The following MFHAS1 variants were observed in gnomAD, a reference collection of about 807,000 sequenced individuals.
MFHAS1 encodes the protein multifunctional ROCO family signaling regulator 1.
Under a neutral mutation model 70.4 loss-of-function variants are expected in MFHAS1, and 50 were observed. The ratio of observed to expected loss-of-function variants is 0.71; its 90% confidence interval spans 0.57 to 0.90. The LOEUF is 0.90. MFHAS1 is among the 40% of genes least tolerant of loss of function. The pLI is 0.00. For missense variants in MFHAS1, 1,795 were observed against 1,347.6 expected (o/e 1.33, Z -5.20); for synonymous variants, 952 against 620.0 (o/e 1.54, Z -7.96).
intron 1 of MFHAS1, among the ~76,000 whole-genome samples, chr8:8,813,691 A>T (rs1383475007): frequency 2.0e-5 from 3 of 152,236 alleles, no homozygotes; most frequent in Admixed American, 6.5e-5. Context: ...TTACTGTAAG[A>T]ATCAAAAAGT....
chr8:8,865,555 G>A (rs1808825958), intron 1 of MFHAS1, among the ~76,000 whole-genome samples: 1 of 152,162 alleles, frequency 6.6e-6, no homozygotes, highest in Admixed American at 6.5e-5. Context: ...GAATCACATA[G>A]AAAAGCAACA....
chr8:8,796,849 A>G, intron 2 of MFHAS1, among the ~76,000 whole-genome samples: 1 of 150,468 alleles, frequency 6.6e-6, no homozygotes, highest in African/African-American at 2.5e-5. Flanking sequence ...CAAAAAAATT[A>G]GCTGGGCATG....
chr8:8,826,075 CCTTTA>C (rs1178904997), intron 1 of MFHAS1, among the ~76,000 whole-genome samples: 2 of 152,142 alleles, frequency 1.3e-5, no homozygotes, highest in African/African-American at 4.8e-5. Context: ...CAACTTCCTT[CCTTTA>C]AAGTTAACAC....
chr8:8,874,900 G>A (rs1226906938), intron 1 of MFHAS1, among the ~76,000 whole-genome samples: 2 of 149,306 alleles, frequency 1.3e-5, no homozygotes, highest in Non-Finnish European at 3.0e-5. Flanking sequence ...ATAAAACACT[G>A]TGATTAAAAA....
intron 1 of MFHAS1, among the ~76,000 whole-genome samples, chr8:8,861,750 C>T (rs775542346): frequency 5.9e-5 from 9 of 152,146 alleles, no homozygotes; most frequent in Non-Finnish European, 1.2e-4. Context: ...CCCATACCAC[C>T]GGCCCCAGAC....
In MFHAS1 at chr8:8,892,845, T is replaced by C; in HGVS notation, c.214A>G (p.Asn72Asp). The C allele has an allele frequency of 2.5e-6, 4 of 1,597,176 alleles. No homozygotes were observed. Among genetic ancestry groups the C allele is most frequent in the Non-Finnish European group, 3.4e-6 (4 of 1,172,530 alleles). ...TCGGGTACCTCCTCCAGGCCGTTGTTCCCCAGGTTCAGTGCCTCAATGTCC... is the reference window on the plus strand; with the variant it reads ...TCGGGTACCTCCTCCAGGCCGTTGTCCCCCAGGTTCAGTGCCTCAATGTCC... ...LGDIEALNLG[N>D]NGLEEVPEGL... The change falls in exon 1 of 3, where the codon AAC becomes GAC. Residue 72 changes from asparagine to aspartate, a missense_variant. Coordinates refer to ENST00000276282, the MANE Select transcript of MFHAS1 (RefSeq NM_004225.3). This position sits in a 1 kb window ranked among gnomAD's most constrained non-coding sequence, Gnocchi z 4.7.
intron 1 of MFHAS1, among the ~76,000 whole-genome samples, chr8:8,818,203 G>GTC (rs775626936): frequency 0.14 from 20,870 of 152,162 alleles, 1,872 homozygotes; most frequent in Non-Finnish European, 0.2. Context: ...AGTAGACTCA[G>GTC]AAGAGTTTCT....
intron 1 of MFHAS1, among the ~76,000 whole-genome samples, chr8:8,875,986 A>G (rs1423452283): frequency 2.0e-5 from 3 of 152,204 alleles, no homozygotes; most frequent in Non-Finnish European, 4.4e-5. Flanking sequence ...TGAAGAAAAG[A>G]GTTTTGATCC....
At chr8:8,809,280 A>G (rs1806456192) in intron 1 of MFHAS1, among the ~76,000 whole-genome samples, 1 of 152,146 alleles carries the variant, frequency 6.6e-6, no homozygotes, top group Non-Finnish European at 1.5e-5. Flanking sequence ...ATGCACTTGA[A>G]TCATCATGAA....
At chr8:8,868,987 C>T (rs560952350) in intron 1 of MFHAS1, among the ~76,000 whole-genome samples, 1 of 152,156 alleles carries the variant, frequency 6.6e-6, no homozygotes, top group Non-Finnish European at 1.5e-5. Flanking sequence ...GGGCATGTTC[C>T]TAACCATTTA....
At chr8:8,876,101 G>C (rs9644671) in intron 1 of MFHAS1, among the ~76,000 whole-genome samples, 14,844 of 152,170 alleles carry the variant, frequency 0.098, 1,144 homozygotes, top group East Asian at 0.37. Flanking sequence ...GTCAAGCATT[G>C]TTCTAAGCAT....
At position 8,789,495 on chromosome 8, in the gene MFHAS1, G is replaced by A. The variant is rs111844448; in HGVS notation, c.3126-3440C>T. Among the ~76,000 whole-genome samples the A allele has an allele frequency of 1.4e-3, 219 of 152,278 alleles. 1 individual carries two copies. The highest frequency in any genetic ancestry group is 4.4e-3 in the African/African-American group (183 of 41,548). On this transcript the variant is annotated intron_variant, in intron 2 of 2. Coordinates refer to ENST00000276282, the MANE Select transcript of MFHAS1 (RefSeq NM_004225.3). ...CCAGCCTGGGGGGCACCCAGCCCCC[G>A]AGTCCTCCCAGGTTAGGGAATTGAA...
intron 1 of MFHAS1, among the ~76,000 whole-genome samples, chr8:8,799,513 T>C (rs1178079703): frequency 6.6e-6 from 1 of 152,224 alleles, no homozygotes; most frequent in African/African-American, 2.4e-5. Context: ...CCCAGCACTT[T>C]GCGAGGCAAA....
At position 8,891,015 on chromosome 8, in the gene MFHAS1, T is replaced by A. The variant is rs1240457229; in HGVS notation, c.2044A>T (p.Ser682Cys). The A allele has an allele frequency of 6.2e-7, 1 of 1,613,866 alleles. No individual in the cohort carries two copies. The highest frequency in any genetic ancestry group is 8.5e-7 in the Non-Finnish European group (1 of 1,179,948). ...QPPQAQRLWLSWWDSARLGLQ... is the reference protein window; with the variant it reads ...QPPQAQRLWLCWWDSARLGLQ... ...CCCAAGCGCGCCGAGTCCCACCAGC[T>A]TAGCCACAGTCGCTGGGCCTGAGGT... The change falls in exon 1 of 3, where the codon AGC becomes TGC. Residue 682 changes from serine (S) to cysteine (C), a missense_variant. Ser to Cys is a moderately radical substitution (Grantham distance 112). Coordinates refer to ENST00000276282, the MANE Select transcript of MFHAS1 (RefSeq NM_004225.3). This position sits in a 1 kb window ranked among gnomAD's most constrained non-coding sequence, Gnocchi z 5.4.
Position 8,890,991 on chromosome 8 carries a change from C to A in MFHAS1, c.2068G>T (p.Gly690Cys). The A allele has an allele frequency of 6.2e-7, 1 of 1,613,908 alleles. No homozygotes were observed. The highest frequency in any genetic ancestry group is 8.5e-7 in the Non-Finnish European group (1 of 1,179,976). ...WLSWWDSARL[G>C]LQAGLTEDRL... ...TCCTCGGTCAGACCCGCCTGCAGGC[C>A]CAAGCGCGCCGAGTCCCACCAGCTT... is the stretch of plus-strand genomic sequence containing the variant. The change falls in exon 1 of 3, where the codon GGC becomes TGC. Residue 690 changes from glycine (G) to cysteine (C), a missense_variant. Coordinates refer to ENST00000276282, the MANE Select transcript of MFHAS1 (RefSeq NM_004225.3).
chr8:8,799,516 G>A (rs746584374), intron 1 of MFHAS1, among the ~76,000 whole-genome samples: 1 of 152,206 alleles, frequency 6.6e-6, no homozygotes, highest in East Asian at 1.9e-4. Flanking sequence ...AGCACTTTGC[G>A]AGGCAAAGAC....
intron 2 of MFHAS1, among the ~76,000 whole-genome samples, chr8:8,795,001 G>A (rs529491469): frequency 2.6e-5 from 4 of 152,192 alleles, no homozygotes; most frequent in Non-Finnish European, 5.9e-5. Flanking sequence ...TGCCAGGAAG[G>A]TTTCTAGCGC....
intron 1 of MFHAS1, among the ~76,000 whole-genome samples, chr8:8,832,048 ACGCGCG>A (rs111233259): frequency 0.024 from 2,828 of 116,636 alleles, 75 homozygotes; most frequent in East Asian, 0.095. Context: ...GCGCACATGC[ACGCGCG>A]CGCGCGCGCA....
intron 1 of MFHAS1, among the ~76,000 whole-genome samples, chr8:8,842,797 C>T (rs115951573): frequency 6.6e-6 from 1 of 152,240 alleles, no homozygotes; most frequent in African/African-American, 2.4e-5. Context: ...ATGAGAAATC[C>T]CAGACACTGC....
Sources: allele counts gnomAD v4.1 joint callset (sites outside exome capture counted in the v4.1 genomes callset), GRCh38; gene constraint gnomAD v4.1.1; non-coding constraint Gnocchi (gnomAD v3.1); transcripts MANE v1.5; gene names NCBI Gene and HGNC (gene_info 2026-07-23, HGNC 2026-07-21).